Variants in CHAT observed in about 807,000 individuals in gnomAD.
CHAT encodes the protein acetyl CoA:choline O-acetyltransferase.
Under a neutral mutation model 76.9 loss-of-function variants are expected in CHAT, and 61 were observed. The observed-to-expected ratio is 0.79, with a 90% CI of 0.65 to 0.98. The LOEUF is 0.98. CHAT is among the 50% of genes least tolerant of loss of function. CHAT has a pLI of 0.00. For missense variants in CHAT, 946 were observed against 986.9 expected (o/e 0.96, Z 0.56); for synonymous variants, 407 against 397.4 (o/e 1.02, Z -0.29).
chr10:49,610,629 T>A (rs1167502136), upstream of CHAT: 3 of 1,102,662 alleles, frequency 2.7e-6, no homozygotes, highest in African/African-American at 3.3e-5. Flanking sequence ...CACAGGGGAG[T>A]CTGCTCGGCC....
intron 13 of CHAT, among the ~76,000 whole-genome samples, chr10:49,658,359 T>C (rs1050899035): frequency 6.6e-6 from 1 of 151,892 alleles, no homozygotes; most frequent in Non-Finnish European, 1.5e-5. Context: ...CTACTAAAAA[T>C]ACAAAAAATT....
chr10:49,634,586 G>A (rs1202337632), intron 7 of CHAT, among the ~76,000 whole-genome samples: 1 of 152,200 alleles, frequency 6.6e-6, no homozygotes, highest in Non-Finnish European at 1.5e-5. Context: ...CTCTCTGTGT[G>A]CACACACACT....
At chr10:49,620,401 T>C in intron 3 of CHAT, 94 bp from the exon 4 acceptor site, 1 of 860,748 alleles carries the variant, frequency 1.2e-6, no homozygotes, top group South Asian at 1.3e-5. Context: ...ATGAATGAAT[T>C]AATGCTCTGG....
chr10:49,660,397 G>C (rs10857524), intron 13 of CHAT, among the ~76,000 whole-genome samples: 1 of 151,080 alleles, frequency 6.6e-6, no homozygotes, highest in African/African-American at 2.4e-5. Flanking sequence ...AGCTGAGATC[G>C]CGCCACTGCA....
chr10:49,625,081 A>C (rs575690623), intron 5 of CHAT, among the ~76,000 whole-genome samples: 2 of 152,336 alleles, frequency 1.3e-5, no homozygotes, highest in African/African-American at 4.8e-5. Flanking sequence ...TGACCTCAGA[A>C]GAGGCTTCTA....
chr10:49,624,247 A>C (rs1590570052), intron 5 of CHAT, among the ~76,000 whole-genome samples: 1 of 152,352 alleles, frequency 6.6e-6, no homozygotes, highest in South Asian at 2.1e-4. Flanking sequence ...AAAAACAACA[A>C]AAAATTGATT....
chr10:49,633,641 C>T (rs990879922), intron 7 of CHAT, among the ~76,000 whole-genome samples: 2 of 152,284 alleles, frequency 1.3e-5, no homozygotes, highest in Middle Eastern at 3.4e-3. Context: ...CCAGGAGGAG[C>T]CAACCCGTTA....
intron 7 of CHAT, among the ~76,000 whole-genome samples, chr10:49,645,134 T>G (rs1839615161): frequency 6.6e-6 from 1 of 152,130 alleles, no homozygotes; most frequent in African/African-American, 2.4e-5. Flanking sequence ...TAGCTCTAGT[T>G]TGTTATCCAT....
At chr10:49,624,738 T>C (rs934987763) in intron 5 of CHAT, among the ~76,000 whole-genome samples, 1 of 151,288 alleles carries the variant, frequency 6.6e-6, no homozygotes, top group African/African-American at 2.4e-5. Context: ...GACGGATGGA[T>C]GGATGGATGG....
At position 49,662,740 on chromosome 10, in the gene CHAT, A is replaced by C. The variant is rs775011277; in HGVS notation, c.1935A>C (p.Glu645Asp). ...AGCTGCCCGAGATGTTCATGGATGA[A>C]ACCTACCTGATGAGCAACCGGTTTG... is the stretch of plus-strand genomic sequence containing the variant. ...CKELPEMFMDETYLMSNRFVL... is the reference protein window; with the variant it reads ...CKELPEMFMDDTYLMSNRFVL... The change falls in exon 14 of 15, where the codon GAA (glutamate) becomes GAC (aspartate). Residue 645 changes from glutamate to aspartate, a missense_variant. This residue lies in a region of CHAT where 349 missense variants were observed against 393.9 expected (regional missense o/e 0.89). Transcript: ENST00000337653. 5.0e-6 allele frequency: 8 copies of C among 1,614,190 alleles called. No homozygotes were observed. The Admixed American group carries it at 1.2e-4, about 24-fold the overall frequency.
intron 11 of CHAT, 35 bp downstream of exon 11, chr10:49,652,041 G>A: frequency 6.2e-7 from 1 of 1,613,998 alleles, no homozygotes; most frequent in Non-Finnish European, 8.5e-7. Context: ...TACCCTGGAG[G>A]GCTGACGGAC....
At position 49,649,648 on chromosome 10, in the gene CHAT, C is replaced by T. The variant is rs369926257; in HGVS notation, c.1511+12C>T. On this transcript the variant is annotated intron_variant, in intron 10 of 14. Coordinates refer to ENST00000337653, the MANE Select transcript of CHAT (RefSeq NM_020549.5). ...GAAAAACTTCAACGGTAAGGATAAC[C>T]GAAGTCTCCTTTGAGGGGTCCCCTA... 5.2e-5 allele frequency: 84 copies of T among 1,613,494 alleles called. No homozygotes were observed. The East Asian group carries it at 9.4e-4, about 18-fold the overall frequency.
upstream of CHAT, chr10:49,611,342 C>T (rs1206957682): frequency 1.9e-6 from 3 of 1,602,040 alleles, no homozygotes; most frequent in Non-Finnish European, 2.5e-6. Context: ...GCCATGATCG[C>T]CGATAAGTAC....
rs767065663 is a variant in CHAT, at chr10:49,625,503, C to T, written c.783C>T (p.Gly261=). ...CCATTCCCACTGACTGTGCCAAAGGCCAGCTGTCAGGGCAGCCCCTTTGCA... is the reference window on the plus strand; with the variant it reads ...CCATTCCCACTGACTGTGCCAAAGGTCAGCTGTCAGGGCAGCCCCTTTGCA... The part of the protein sequence containing the change: ...SHSIPTDCAK[G]QLSGQPLCMK... The change falls in exon 6 of 15, where the codon GGC becomes GGT. Residue 261 remains glycine (G), a synonymous_variant. Coordinates refer to ENST00000337653, the MANE Select transcript of CHAT (RefSeq NM_020549.5). The T allele has an allele frequency of 3.1e-6, 5 of 1,612,792 alleles. No homozygotes were observed. The highest frequency in any genetic ancestry group is 1.7e-5 in the Admixed American group (1 of 60,002).
intron 1 of CHAT, among the ~76,000 whole-genome samples, chr10:49,614,989 G>C (rs1442699470): frequency 9.1e-6 from 1 of 109,498 alleles, no homozygotes; most frequent in Non-Finnish European, 1.9e-5. Context: ...AGCATGGGTG[G>C]GAGGCACAAA....
Position 49,656,934 on chromosome 10 carries a change from G to A in CHAT, c.1839+1486G>A, listed in dbSNP as rs1564494737. On this transcript the variant is annotated intron_variant, in intron 13 of 14. Coordinates refer to ENST00000337653, the MANE Select transcript of CHAT (RefSeq NM_020549.5). ...TTCGCGCATGGTGGACTGCACACAG[G>A]GTTACTGTCACTCTCTCTGAAACCC... Among the ~76,000 whole-genome samples, 4 of 152,030 alleles carry A rather than the reference G, an allele frequency of 2.6e-5. No homozygotes were observed. The South Asian group carries it at 8.3e-4, about 32-fold the overall frequency.
chr10:49,629,355 A>G (rs903616295), intron 7 of CHAT, among the ~76,000 whole-genome samples: 3 of 152,206 alleles, frequency 2.0e-5, no homozygotes, highest in African/African-American at 7.2e-5. Flanking sequence ...GAATGCTGTC[A>G]TAAATAGGGG....
upstream of CHAT, chr10:49,610,789 CTGT>C (rs1388417636): frequency 7.0e-6 from 11 of 1,577,680 alleles, no homozygotes; most frequent in Non-Finnish European, 8.6e-6. Context: ...GGCCACCAAG[CTGT>C]CGGAGGCTGT....
intron 8 of CHAT, 99 bp downstream of exon 8, chr10:49,646,773 T>C: frequency 2.2e-6 from 3 of 1,379,130 alleles, no homozygotes; most frequent in Middle Eastern, 2.5e-4. Context: ...CCGCACGTGC[T>C]TGTGTCTGGC....
Sources: allele counts gnomAD v4.1 joint callset (sites outside exome capture counted in the v4.1 genomes callset), GRCh38; gene constraint gnomAD v4.1.1; regional missense constraint gnomAD v4.1.1; transcripts MANE v1.5; gene names NCBI Gene and HGNC (gene_info 2026-07-23, HGNC 2026-07-21).